NTF3: variants seen among roughly 807,000 people sequenced by gnomAD.
NTF3 encodes neurotrophin-3.
A neutral mutation model predicts 26.3 loss-of-function variants in NTF3; 8 were observed. The ratio of observed to expected loss-of-function variants is 0.30; its 90% CI spans 0.18 to 0.55. NTF3 has a LOEUF of 0.55. Ranked by LOEUF, NTF3 falls within the 20% of genes least tolerant of loss-of-function variation. The pLI, the probability that NTF3 is intolerant of heterozygous loss-of-function variation, is 0.93. For synonymous variants in NTF3, 154 were observed against 145.5 expected, an observed-to-expected ratio of 1.06 and a Z score of -0.42; for missense variants, 276 against 352.9, an observed-to-expected ratio of 0.78 and a Z score of 1.75.
rs960302191 is a variant in NTF3 at position 5,483,828 on chromosome 12, G to C, written c.19-10366G>C. ...AAAAAGCCATCAGGTTGGAAGTGAA[G>C]TCACCCAGAGTGATTGCAGGTTTAT... On this transcript the variant is annotated intron_variant, in intron 1 of 1. Coordinates refer to ENST00000423158, the MANE Select transcript of NTF3 (RefSeq NM_001102654.2). 4.6e-5 allele frequency among the ~76,000 whole-genome samples: 7 copies of C among 152,360 alleles called. No homozygotes were observed. The East Asian group carries it at 1.3e-3, about 29-fold the overall frequency.
intron 1 of NTF3, among the ~76,000 whole-genome samples, chr12:5,483,989 T>C (rs1940838046): frequency 6.6e-6 from 1 of 152,220 alleles, no homozygotes; most frequent in South Asian, 2.1e-4. Flanking sequence ...TGCTGGGGCC[T>C]CAGGCTTCAC....
At chr12:5,474,007 T>G (rs1000114211) in intron 1 of NTF3, among the ~76,000 whole-genome samples, 3 of 152,166 alleles carry the variant, frequency 2.0e-5, no homozygotes, top group African/African-American at 7.2e-5. Flanking sequence ...TAAATACCTT[T>G]AAAGGGTACA....
intron 1 of NTF3, among the ~76,000 whole-genome samples, chr12:5,480,550 C>T (rs945596657): frequency 1.3e-5 from 2 of 152,064 alleles, no homozygotes; most frequent in African/African-American, 4.8e-5. Flanking sequence ...ACTCGGGAGG[C>T]GAACCGGCAG....
At chr12:5,479,342 C>A (rs1315407993) in intron 1 of NTF3, among the ~76,000 whole-genome samples, 1 of 152,196 alleles carries the variant, frequency 6.6e-6, no homozygotes, top group Non-Finnish European at 1.5e-5. Flanking sequence ...TGGAAATGAT[C>A]TACTTTGTGT....
intron 1 of NTF3, among the ~76,000 whole-genome samples, chr12:5,481,504 T>TGAC: frequency 7.5e-5 from 1 of 13,286 alleles, no homozygotes; most frequent in Non-Finnish European, 1.8e-4. Context: ...ATACACAGAA[T>TGAC]ACCACACACA....
At chr12:5,442,910 C>A (rs7132127) in intron 1 of NTF3, among the ~76,000 whole-genome samples, 1 of 151,888 alleles carries the variant, frequency 6.6e-6, no homozygotes, top group Non-Finnish European at 1.5e-5. Flanking sequence ...AGTCTACTTG[C>A]GAATACAGTG....
At chr12:5,467,534 A>G (rs1314964058) in intron 1 of NTF3, among the ~76,000 whole-genome samples, 1 of 152,084 alleles carries the variant, frequency 6.6e-6, no homozygotes, top group East Asian at 1.9e-4. Context: ...TATTTCGTTG[A>G]TTGATTAAGG....
In NTF3 at chr12:5,464,769, C is replaced by T. The variant is rs77208778; in HGVS notation, c.19-29425C>T. 8.0e-3 allele frequency among the ~76,000 whole-genome samples: 1,225 copies of T among 152,292 alleles called. 19 individuals are homozygous for T. Among genetic ancestry groups the T allele is most frequent in the Non-Finnish European group, 0.012 (805 of 68,024 alleles). ...ATGAATTCATATGAATTCAGTATTA[C>T]ATGAGTAAATTATGATTATATGAAT... On this transcript the variant is annotated intron_variant, in intron 1 of 1. Transcript: ENST00000423158.
At chr12:5,448,568 C>G (rs556348345) in intron 1 of NTF3, among the ~76,000 whole-genome samples, 1 of 152,234 alleles carries the variant, frequency 6.6e-6, no homozygotes, top group East Asian at 1.9e-4. Flanking sequence ...CAAACCCAGA[C>G]AGTTATAATT....
chr12:5,451,474 G>C (rs1490130471), intron 1 of NTF3, among the ~76,000 whole-genome samples: 2 of 152,172 alleles, frequency 1.3e-5, no homozygotes, highest in African/African-American at 4.8e-5. Flanking sequence ...TCCAGAAGTA[G>C]TGATGACGTA....
intron 1 of NTF3, among the ~76,000 whole-genome samples, chr12:5,438,452 C>T (rs1419233723): frequency 6.6e-6 from 1 of 152,162 alleles, no homozygotes; most frequent in Admixed American, 6.5e-5. Context: ...CTATGACTGA[C>T]CGTGATGTCA....
At chr12:5,493,812 A>G (rs1940967972) in intron 1 of NTF3, among the ~76,000 whole-genome samples, 1 of 152,174 alleles carries the variant, frequency 6.6e-6, no homozygotes, top group Non-Finnish European at 1.5e-5. Context: ...CTCCATGTTT[A>G]CAATTCTCAG....
intron 1 of NTF3, among the ~76,000 whole-genome samples, chr12:5,450,965 T>C (rs1199455276): frequency 6.6e-6 from 1 of 152,230 alleles, no homozygotes; most frequent in African/African-American, 2.4e-5. Context: ...ATTAAATGTC[T>C]AGGAAGTGGT....
intron 1 of NTF3, among the ~76,000 whole-genome samples, chr12:5,485,569 T>A (rs541487466): frequency 1.3e-5 from 2 of 152,176 alleles, no homozygotes; most frequent in Non-Finnish European, 2.9e-5. Flanking sequence ...CAGTCTAGCA[T>A]ATGGGGAGGC....
intron 1 of NTF3, among the ~76,000 whole-genome samples, chr12:5,466,602 G>C (rs751301255): frequency 6.6e-6 from 1 of 152,188 alleles, no homozygotes; most frequent in Non-Finnish European, 1.5e-5. Flanking sequence ...GGATAAGAGG[G>C]GAAATGGGAA....
chr12:5,464,152 C>G (rs1394346903), intron 1 of NTF3, among the ~76,000 whole-genome samples: 2 of 152,190 alleles, frequency 1.3e-5, no homozygotes, highest in East Asian at 3.9e-4. Context: ...GAGGCCCCAA[C>G]AGATTCTATA....
intron 1 of NTF3, among the ~76,000 whole-genome samples, chr12:5,487,432 G>A (rs1049464002): frequency 3.3e-5 from 5 of 152,208 alleles, no homozygotes; most frequent in Non-Finnish European, 7.3e-5. Flanking sequence ...CTGTTCAGGG[G>A]TCCCTGTTCC....
intron 1 of NTF3, among the ~76,000 whole-genome samples, chr12:5,458,585 C>T (rs1322405783): frequency 6.6e-6 from 1 of 151,914 alleles, no homozygotes; most frequent in Non-Finnish European, 1.5e-5. Flanking sequence ...CTGCAGAAAT[C>T]TGGAATAAGA....
At chr12:5,486,053 G>A (rs528889561) in intron 1 of NTF3, among the ~76,000 whole-genome samples, 13 of 152,254 alleles carry the variant, frequency 8.5e-5, no homozygotes, top group Admixed American at 2.6e-4. Context: ...CAATATAGCC[G>A]CAGACCGCCA....
Sources: allele counts gnomAD v4.1 joint callset (sites outside exome capture counted in the v4.1 genomes callset), GRCh38; gene constraint gnomAD v4.1.1; transcripts MANE v1.5; gene names NCBI Gene and HGNC (gene_info 2026-07-23, HGNC 2026-07-21).